Variants in CRPPA observed in about 807,000 individuals in gnomAD.
CRPPA encodes CDP-L-ribitol pyrophosphorylase A.
Under a neutral mutation model 52.0 loss-of-function variants are expected in CRPPA, and 43 were observed. The ratio of observed to expected loss-of-function variants is 0.83; its 90% CI spans 0.65 to 1.07. The LOEUF is 1.07. Among genes scored for constraint, CRPPA ranks in the 50% least tolerant of loss-of-function variants. The probability of loss-of-function intolerance (pLI) is 0.00; values close to 1 mark genes in which losing one functional copy is unlikely to be tolerated. For missense variants in CRPPA, 629 were observed against 551.7 expected (o/e 1.14, Z -1.40); for synonymous variants, 250 against 203.5 (o/e 1.23, Z -1.94).
intron 9 of CRPPA, among the ~76,000 whole-genome samples, chr7:16,154,269 C>T (rs1465278535): frequency 6.6e-6 from 1 of 151,888 alleles, no homozygotes; most frequent in African/African-American, 2.4e-5. Context: ...GCAGAGCGTG[C>T]AGGTTTGTTA....
rs1474762487 is a variant in CRPPA, at chr7:16,360,680, T to A, written c.684+15412A>T. ...GGAAAACTGAATATCCATATGCACA[T>A]GAATGAATTTGAACTCTTACATCGT... On this transcript the variant is annotated intron_variant, in intron 3 of 9. Transcript: ENST00000407010. Among the ~76,000 whole-genome samples the A allele has an allele frequency of 3.3e-5, 5 of 152,164 alleles. No homozygotes were observed. In the South Asian group the frequency reaches 1.0e-3, roughly 32 times the overall value.
intron 8 of CRPPA, among the ~76,000 whole-genome samples, chr7:16,236,803 T>C (rs890572203): frequency 1.6e-4 from 25 of 152,100 alleles, no homozygotes; most frequent in African/African-American, 6.0e-4. Context: ...ACAGACACTA[T>C]AGAAGGCTTG....
intron 3 of CRPPA, among the ~76,000 whole-genome samples, chr7:16,374,425 G>A (rs891517780): frequency 1.3e-5 from 2 of 152,052 alleles, no homozygotes; most frequent in African/African-American, 2.4e-5. Context: ...GCTTGCAGAC[G>A]GCCTATTGTG....
Position 16,157,938 on chromosome 7 carries a change from A to C in CRPPA, c.1251+58128T>G, listed in dbSNP as rs559078143. On this transcript the variant is annotated intron_variant, in intron 9 of 9. Coordinates refer to ENST00000407010, the MANE Select transcript of CRPPA (RefSeq NM_001101426.4). ...CGCCCAGGCTGGAATAGAGCAGTGC[A>C]ATCTTGGCCCACTGCAACCTCCACC... Among the ~76,000 whole-genome samples the C allele has an allele frequency of 5.3e-5, 8 of 151,692 alleles. No individual in the cohort carries two copies. In the South Asian group the frequency reaches 1.7e-3, roughly 32 times the overall value.
intron 8 of CRPPA, chr7:16,235,755 T>C (rs963455893): frequency 3.3e-5 from 5 of 152,094 alleles, no homozygotes; most frequent in African/African-American, 9.7e-5. Context: ...ATTTTCAAGA[T>C]CCTTTTCCCT....
intron 9 of CRPPA, among the ~76,000 whole-genome samples, chr7:16,138,929 G>C (rs974969702): frequency 2.0e-5 from 3 of 152,132 alleles, no homozygotes; most frequent in African/African-American, 7.2e-5. Flanking sequence ...GGCCTCCTGA[G>C]TAGCTGGGAT....
At chr7:16,410,731 G>A (rs957634053) in intron 1 of CRPPA, among the ~76,000 whole-genome samples, 2 of 152,084 alleles carry the variant, frequency 1.3e-5, no homozygotes, top group African/African-American at 2.4e-5. Context: ...ACTACTCCCT[G>A]AAGGGAAGGC....
intron 2 of CRPPA, among the ~76,000 whole-genome samples, chr7:16,381,354 G>A (rs1787082761): frequency 6.6e-6 from 1 of 151,428 alleles, no homozygotes; most frequent in Non-Finnish European, 1.5e-5. Flanking sequence ...TGGTCTGAGA[G>A]ACAGTTTGTT....
chr7:16,389,912 A>C (rs1212215728), intron 2 of CRPPA, among the ~76,000 whole-genome samples: 30 of 36,988 alleles, frequency 8.1e-4, no homozygotes, highest in African/African-American at 3.1e-3. Flanking sequence ...AGCCTAGTAT[A>C]CAAAAAAAAA....
chr7:16,148,735 A>G (rs1198160277), intron 9 of CRPPA, among the ~76,000 whole-genome samples: 2 of 152,154 alleles, frequency 1.3e-5, no homozygotes, highest in African/African-American at 2.4e-5. Flanking sequence ...AGAGTCAATA[A>G]GACAGACCAA....
intron 2 of CRPPA, among the ~76,000 whole-genome samples, chr7:16,380,290 A>G (rs1787043163): frequency 6.6e-6 from 1 of 151,114 alleles, no homozygotes; most frequent in Non-Finnish European, 1.5e-5. Flanking sequence ...GCTGGATTAC[A>G]TTTATTGATT....
In CRPPA at chr7:16,308,542, C is replaced by T; in HGVS notation, c.770G>A (p.Gly257Glu). 6.2e-7 allele frequency: 1 copy of T among 1,603,604 alleles called. No individual in the cohort carries two copies. The highest frequency in any genetic ancestry group is 1.1e-5 in the South Asian group (1 of 89,724). Residue 257 changes from glycine to glutamate, a missense_variant, in exon 4 of 10, where the codon GGA becomes GAA. Gly to Glu is a moderately conservative substitution (Grantham distance 98). Transcript: ENST00000407010. ...YCCTKAKLVE[G>E]SPDLWKVTYK... ...TCTTACCTTCCAGAGGTCAGGTGAT[C>T]CTTCTACAAGTTTGGCTTTAGTGCA...
chr7:16,375,978 G>T (rs936382087), intron 3 of CRPPA, 114 bp downstream of exon 3: 2 of 992,818 alleles, frequency 2.0e-6, no homozygotes, highest in African/African-American at 1.6e-5. Context: ...ATAAGTCTTA[G>T]CCTTGAGTAT....
intron 9 of CRPPA, among the ~76,000 whole-genome samples, chr7:16,212,018 G>T (rs1313252186): frequency 6.6e-6 from 1 of 152,024 alleles, no homozygotes; most frequent in Non-Finnish European, 1.5e-5. Context: ...CTATTTTGGA[G>T]ATTTTTATAA....
intron 9 of CRPPA, 129 bp downstream of exon 9, chr7:16,215,937 A>G (rs1333933846): frequency 4.7e-5 from 33 of 700,510 alleles, no homozygotes; most frequent in Non-Finnish European, 7.2e-5. Context: ...TATAGCACAC[A>G]CATAGATGAG....
At chr7:16,389,924 A>T (rs989361585) in intron 2 of CRPPA, among the ~76,000 whole-genome samples, 2,361 of 61,992 alleles carry the variant, frequency 0.038, 31 homozygotes, top group Non-Finnish European at 0.042. Flanking sequence ...AAAAAAAAAA[A>T]AAAAATATAT....
chr7:16,141,192 G>C (rs1230550569), intron 9 of CRPPA, among the ~76,000 whole-genome samples: 1 of 151,960 alleles, frequency 6.6e-6, no homozygotes, highest in Non-Finnish European at 1.5e-5. Flanking sequence ...TTTTTCTATG[G>C]CTGCTTTATC....
At chr7:16,243,240 T>C (rs1783175289) in intron 8 of CRPPA, among the ~76,000 whole-genome samples, 1 of 152,186 alleles carries the variant, frequency 6.6e-6, no homozygotes, top group Non-Finnish European at 1.5e-5. Context: ...AGAAGGTGCC[T>C]GCTTCTCCTT....
At chr7:16,259,091 T>C (rs1783725173) in intron 6 of CRPPA, 79 bp from the exon 7 acceptor site, 1 of 954,030 alleles carries the variant, frequency 1.0e-6, no homozygotes, top group Non-Finnish European at 1.6e-6. Context: ...GAACACATAA[T>C]TGCTAGAAGG....
Sources: allele counts gnomAD v4.1 joint callset (sites outside exome capture counted in the v4.1 genomes callset), GRCh38; gene constraint gnomAD v4.1.1; transcripts MANE v1.5; gene names NCBI Gene and HGNC (gene_info 2026-07-23, HGNC 2026-07-21).